BAG3: variants seen among roughly 807,000 people sequenced by gnomAD.
The protein encoded by BAG3 is BAG cochaperone 3.
BAG3 carries 14 observed loss-of-function variants against 40.5 expected under a neutral mutation model. The observed-to-expected ratio is 0.35, with a 90% confidence interval of 0.23 to 0.54. The LOEUF is 0.54. BAG3 is among the 20% of genes least tolerant of loss of function. BAG3 has a pLI of 0.91. For missense variants in BAG3, 788 were observed against 758.6 expected (o/e 1.04, Z -0.46); for synonymous variants, 302 against 307.8 (o/e 0.98, Z 0.20).
chr10:119,654,283 C>T (rs181850682), intron 1 of BAG3, among the ~76,000 whole-genome samples: 8 of 152,270 alleles, frequency 5.3e-5, no homozygotes, highest in South Asian at 2.1e-4. Context: ...AGCTGAGGCC[C>T]GTCTGAGCAT....
chr10:119,655,325 C>A (rs1467033534), intron 1 of BAG3, among the ~76,000 whole-genome samples: 2 of 152,188 alleles, frequency 1.3e-5, no homozygotes, highest in Non-Finnish European at 2.9e-5. Context: ...TTCCTGGACC[C>A]CAGGAAGAAG....
chr10:119,674,044 T>C (rs982591879), intron 3 of BAG3, among the ~76,000 whole-genome samples: 1 of 152,252 alleles, frequency 6.6e-6, no homozygotes, highest in Non-Finnish European at 1.5e-5. Context: ...CCAGGATGTC[T>C]TCCAGGACTG....
At chr10:119,671,607 G>T (rs188833748) in intron 2 of BAG3, among the ~76,000 whole-genome samples, 2 of 152,196 alleles carry the variant, frequency 1.3e-5, no homozygotes, top group Non-Finnish European at 1.5e-5. Flanking sequence ...CTGGCCTGGG[G>T]CTGAGGCACA....
chr10:119,677,309 G>A lies in BAG3; in HGVS notation c.*27G>A, dbSNP rs1847255182. 6.2e-7 allele frequency: 1 copy of A among 1,612,660 alleles called. No homozygotes were observed. The highest frequency in any genetic ancestry group is 8.5e-7 in the Non-Finnish European group (1 of 1,179,728). On this transcript the variant is annotated 3_prime_UTR_variant, in exon 4 of 4. Coordinates refer to ENST00000369085, the MANE Select transcript of BAG3 (RefSeq NM_004281.4). Reference sequence around the variant, plus strand: ...CTCTGCCCTGTAAAAATCAGACTCGGAACCGATGTGTGCTTTAGGGAATTT... The same window carrying A: ...CTCTGCCCTGTAAAAATCAGACTCGAAACCGATGTGTGCTTTAGGGAATTT...
chr10:119,672,440 G>T lies in BAG3; in HGVS notation c.693G>T (p.Thr231=). 1 of 1,614,192 alleles carries T rather than the reference G, an allele frequency of 6.2e-7. No homozygotes were observed. The highest frequency in any genetic ancestry group is 1.7e-5 in the Admixed American group (1 of 60,026). Residue 231 remains threonine (T), a synonymous_variant, in exon 3 of 4, where the codon ACG becomes ACT. Transcript: ENST00000369085. This position sits in a 1 kb window ranked among gnomAD's most constrained non-coding sequence, Gnocchi z 4.8. The part of the protein sequence containing the change: ...AQPSFHQAQK[T]HYPAQQGEYQ... The stretch of plus-strand genomic sequence containing the variant: ...CCTCCTTCCACCAAGCCCAGAAGAC[G>T]CACTACCCAGCGCAGCAGGGGGAGT...
chr10:119,656,309 C>A (rs1016043930), intron 1 of BAG3, among the ~76,000 whole-genome samples: 1 of 152,046 alleles, frequency 6.6e-6, no homozygotes, highest in Non-Finnish European at 1.5e-5. Flanking sequence ...TCCTGGGTTC[C>A]CTTTTGTTGT....
chr10:119,673,304 T>A (rs1847178547), intron 3 of BAG3, among the ~76,000 whole-genome samples: 1 of 152,204 alleles, frequency 6.6e-6, no homozygotes, highest in East Asian at 1.9e-4. Context: ...GTTCATTTTA[T>A]CTCTTCAGCT....
In BAG3 at chr10:119,677,237, C is replaced by T; in HGVS notation, c.1683C>T (p.Asn561=). The part of the protein sequence containing the change: ...QPEATAAATS[N]PSSMTDTPGN... The stretch of plus-strand genomic sequence containing the variant: ...AAGCCACAGCAGCAGCGACTTCAAA[C>T]CCCAGCAGCATGACAGACACCCCTG... The change falls in exon 4 of 4, where the codon AAC becomes AAT. Residue 561 remains asparagine (N), a synonymous_variant. Transcript: ENST00000369085. The T allele has an allele frequency of 6.2e-7, 1 of 1,614,148 alleles. No homozygotes were observed. Among genetic ancestry groups the T allele is most frequent in the Non-Finnish European group, 8.5e-7 (1 of 1,180,044 alleles).
At chr10:119,671,914 G>T (rs1589629805) in intron 2 of BAG3, among the ~76,000 whole-genome samples, 1 of 152,094 alleles carries the variant, frequency 6.6e-6, no homozygotes, top group Admixed American at 6.5e-5. Flanking sequence ...TCAGCCTCCT[G>T]AGTAGCTGGC....
chr10:119,652,129 A>G (rs1456005570), intron 1 of BAG3, among the ~76,000 whole-genome samples: 1 of 152,056 alleles, frequency 6.6e-6, no homozygotes, highest in Non-Finnish European at 1.5e-5. Context: ...GGTGCCGTCC[A>G]CGGCTCGACT....
At position 119,672,638 on chromosome 10, in the gene BAG3, C is replaced by A. The variant is rs372571986; in HGVS notation, c.891C>A (p.Thr297=). Residue 297 remains threonine (T), a synonymous_variant, in exon 3 of 4, where the codon ACC becomes ACA. Transcript: ENST00000369085. The surrounding 1 kb of genome is among the most constrained non-coding windows in gnomAD (Gnocchi z 4.8). ...LHSPSPIRVH[T]VVDRPQQPMT... is the part of the protein sequence containing the mutation. ...CCCCCTCGCCCATCCGTGTGCACAC[C>A]GTGGTCGACAGGCCTCAGGTACGGG... 2 of 1,613,640 alleles carry A rather than the reference C, an allele frequency of 1.2e-6. No homozygotes were observed. The highest frequency in any genetic ancestry group is 1.7e-6 in the Non-Finnish European group (2 of 1,180,022).
At chr10:119,661,955 G>A (rs1846996528) in intron 1 of BAG3, among the ~76,000 whole-genome samples, 1 of 152,146 alleles carries the variant, frequency 6.6e-6, no homozygotes, top group African/African-American at 2.4e-5. Flanking sequence ...TATCAAATGG[G>A]CAGTAATACT....
intron 1 of BAG3, among the ~76,000 whole-genome samples, chr10:119,664,108 C>A (rs907552658): frequency 6.6e-6 from 1 of 152,168 alleles, no homozygotes; most frequent in Non-Finnish European, 1.5e-5. Context: ...CCTGCTGTTC[C>A]CTCAGCGCCC....
In BAG3 at chr10:119,676,342, A is replaced by G. The variant is rs1847233902; in HGVS notation, c.910-122A>G. 7 of 988,244 alleles carry G rather than the reference A, an allele frequency of 7.1e-6. 1 individual carries two copies. In the South Asian group the frequency reaches 7.2e-5, roughly 10 times the overall value. The allele number at this position is 988,244 out of a possible 1,614,324, so 61.2% of individuals were successfully genotyped here. A position where few individuals can be genotyped will look rare whatever the true frequency, so the allele number is the denominator to read the frequency against. Reference sequence around the variant, plus strand: ...CATTGATTGACTTTGAAAATCTTTTATACTATTAAACTTTTTTTAAAAAGC... The same window carrying G: ...CATTGATTGACTTTGAAAATCTTTTGTACTATTAAACTTTTTTTAAAAAGC... On this transcript the variant is annotated intron_variant, in intron 3 of 3. Transcript: ENST00000369085.
At chr10:119,663,402 C>T (rs1005003177) in intron 1 of BAG3, among the ~76,000 whole-genome samples, 4 of 152,108 alleles carry the variant, frequency 2.6e-5, no homozygotes, top group East Asian at 3.9e-4. Context: ...TGGGTTCAAG[C>T]GATTCTCGTG....
chr10:119,677,107 A>G lies in BAG3; in HGVS notation c.1553A>G (p.Asp518Gly). The change falls in exon 4 of 4, where the codon GAT becomes GGT. Residue 518 changes from aspartate (D) to glycine (G), a missense_variant. Physicochemically the swap from Asp to Gly is moderately conservative, Grantham distance 94 (BLOSUM62 -1). Transcript: ENST00000369085. ...CTCCAGCCCAGCAACCTTGAAGCAG[A>G]TCAGCCACTGCAGGCAATCATGGAG... ...YELQPSNLEA[D>G]QPLQAIMEMG... 1 of 1,614,194 alleles carries G rather than the reference A, an allele frequency of 6.2e-7. No homozygotes were observed. Among genetic ancestry groups the G allele is most frequent in the Non-Finnish European group, 8.5e-7 (1 of 1,180,036 alleles).
chr10:119,653,186 G>A (rs567328275), intron 1 of BAG3, among the ~76,000 whole-genome samples: 1 of 152,316 alleles, frequency 6.6e-6, no homozygotes, highest in African/African-American at 2.4e-5. Flanking sequence ...TTACATTTAC[G>A]AGAGATTAGT....
chr10:119,661,904 T>C (rs1846996040), intron 1 of BAG3, among the ~76,000 whole-genome samples: 2 of 152,186 alleles, frequency 1.3e-5, no homozygotes, highest in African/African-American at 4.8e-5. Flanking sequence ...ATTTTGACTT[T>C]GGCTGTAGGG....
Position 119,676,979 on chromosome 10 carries a change from T to A in BAG3, c.1425T>A (p.Asp475Glu). ...CAGTGGACCCCGAGGGACGAGCCGA[T>A]GTGCGTCAGGCCAGGAGAGACGGTG... Reference protein sequence around the residue: ...LDSVDPEGRADVRQARRDGVR... With the variant: ...LDSVDPEGRAEVRQARRDGVR... The change falls in exon 4 of 4, where the codon GAT becomes GAA. Residue 475 changes from aspartate (D) to glutamate (E), a missense_variant. Physicochemically the swap from Asp to Glu is conservative, Grantham distance 45. Transcript: ENST00000369085. The A allele has an allele frequency of 6.2e-7, 1 of 1,614,192 alleles. No individual in the cohort carries two copies. Among genetic ancestry groups the A allele is most frequent in the East Asian group, 2.2e-5 (1 of 44,894 alleles).
Sources: allele counts gnomAD v4.1 joint callset (sites outside exome capture counted in the v4.1 genomes callset), GRCh38; gene constraint gnomAD v4.1.1; non-coding constraint Gnocchi (gnomAD v3.1); transcripts MANE v1.5; gene names NCBI Gene and HGNC (gene_info 2026-07-23, HGNC 2026-07-21).